The following PTPRD variants were observed in gnomAD, a reference collection of about 807,000 sequenced individuals.
PTPRD encodes protein tyrosine phosphatase receptor type D, also known as receptor-type tyrosine-protein phosphatase delta.
Under a neutral mutation model 214.5 loss-of-function variants are expected in PTPRD, and 34 were observed. The ratio of observed to expected loss-of-function variants is 0.16; its 90% confidence interval spans 0.12 to 0.21. The LOEUF (loss-of-function observed/expected upper bound fraction) is 0.21, where lower values mean the gene tolerates loss of function less well. Ranked by LOEUF, PTPRD falls within the 10% of genes least tolerant of loss-of-function variation. The pLI, the probability that PTPRD is intolerant of heterozygous loss-of-function variation, is 1.00. For missense variants in PTPRD, 2,545 were observed against 2,398.7 expected (o/e 1.06, Z -1.27); for synonymous variants, 1,128 against 845.7 (o/e 1.33, Z -5.79).
At chr9:9,584,431 A>G (rs2091527357) in intron 7 of PTPRD, among the ~76,000 whole-genome samples, 1 of 151,484 alleles carries the variant, frequency 6.6e-6, no homozygotes, top group Non-Finnish European at 1.5e-5. Context: ...CACCATCACT[A>G]TTCTTTCTCT....
At chr9:9,503,674 C>G (rs867412751) in intron 8 of PTPRD, among the ~76,000 whole-genome samples, 4 of 151,666 alleles carry the variant, frequency 2.6e-5, no homozygotes. Flanking sequence ...TGTAAGTTCT[C>G]AGAATCAAAG....
chr9:9,365,956 T>C (rs760431101), intron 9 of PTPRD, among the ~76,000 whole-genome samples: 5 of 151,656 alleles, frequency 3.3e-5, no homozygotes, highest in Middle Eastern at 3.4e-3. Flanking sequence ...GATGTAAATA[T>C]AGCATGGATC....
intron 10 of PTPRD, among the ~76,000 whole-genome samples, chr9:9,164,429 A>T (rs932217170): frequency 2.6e-5 from 4 of 152,054 alleles, no homozygotes; most frequent in Non-Finnish European, 5.9e-5. Context: ...AATCCAAGGT[A>T]CTCTTCTGAT....
At chr9:8,490,051 T>C (rs894771246) in intron 27 of PTPRD, among the ~76,000 whole-genome samples, 1 of 152,162 alleles carries the variant, frequency 6.6e-6, no homozygotes, top group East Asian at 1.9e-4. Context: ...AGACTACTTT[T>C]ATAAGTCATG....
intron 8 of PTPRD, among the ~76,000 whole-genome samples, chr9:9,492,184 C>G (rs930710317): frequency 6.6e-6 from 1 of 151,416 alleles, no homozygotes; most frequent in Non-Finnish European, 1.5e-5. Context: ...CCTCCCAAGA[C>G]TAAATCATGT....
chr9:9,776,549 A>G (rs1424341274), intron 5 of PTPRD, among the ~76,000 whole-genome samples: 1 of 152,212 alleles, frequency 6.6e-6, no homozygotes, highest in African/African-American at 2.4e-5. Context: ...AAAATAAACA[A>G]TATGATTCAT....
intron 9 of PTPRD, among the ~76,000 whole-genome samples, chr9:9,325,317 T>G (rs529246172): frequency 1.3e-5 from 2 of 152,264 alleles, no homozygotes; most frequent in East Asian, 3.9e-4. Flanking sequence ...ATTCTTCCTA[T>G]CCATGAGCAT....
Position 8,331,902 on chromosome 9 carries a change from A to C in PTPRD, c.5380-166T>G, listed in dbSNP as rs567100435. ...CTTAGTTATGGTTTATCTGCTATAA[A>C]TATTGTCCACACTCACATACCTTTA... On this transcript the variant is annotated intron_variant, in intron 43 of 45. Coordinates refer to ENST00000381196, the MANE Select transcript of PTPRD (RefSeq NM_002839.4). Among the ~76,000 whole-genome samples the C allele has an allele frequency of 7.9e-5, 12 of 151,924 alleles. No homozygotes were observed. The South Asian group carries it at 2.5e-3, about 32-fold the overall frequency.
At chr9:10,362,901 A>T (rs1329908879) in intron 2 of PTPRD, among the ~76,000 whole-genome samples, 2 of 152,084 alleles carry the variant, frequency 1.3e-5, no homozygotes, top group Non-Finnish European at 2.9e-5. Flanking sequence ...AAAAATAAAT[A>T]AATAACTTTG....
chr9:10,071,997 A>G (rs2154180225), intron 3 of PTPRD, among the ~76,000 whole-genome samples: 1 of 152,116 alleles, frequency 6.6e-6, no homozygotes, highest in South Asian at 2.1e-4. Context: ...CATAGTATAA[A>G]TGATGAAAAA....
chr9:9,146,109 T>C (rs2099868196), intron 10 of PTPRD, among the ~76,000 whole-genome samples: 1 of 152,222 alleles, frequency 6.6e-6, no homozygotes, highest in Non-Finnish European at 1.5e-5. Flanking sequence ...AAATGGGGTT[T>C]TGATACACAT....
intron 3 of PTPRD, among the ~76,000 whole-genome samples, chr9:10,090,919 T>TACACACAC (rs1162698970): frequency 0.063 from 6,266 of 99,402 alleles, 211 homozygotes; most frequent in Admixed American, 0.13. Flanking sequence ...AAATGAAATA[T>TACACACAC]ACACACACAC....
At chr9:8,890,908 T>A (rs2098533574) in intron 11 of PTPRD, among the ~76,000 whole-genome samples, 1 of 152,134 alleles carries the variant, frequency 6.6e-6, no homozygotes, top group Non-Finnish European at 1.5e-5. Flanking sequence ...AAAGAGGAAA[T>A]GGGCAAAAGA....
chr9:9,746,030 A>G (rs1364111277), intron 6 of PTPRD, among the ~76,000 whole-genome samples: 5 of 152,154 alleles, frequency 3.3e-5, no homozygotes, highest in Admixed American at 2.6e-4. Flanking sequence ...AAGATTTTAT[A>G]TGAGTACTCT....
chr9:8,749,212 C>A (rs965210081), intron 11 of PTPRD, among the ~76,000 whole-genome samples: 2 of 152,126 alleles, frequency 1.3e-5, no homozygotes, highest in Admixed American at 6.5e-5. Context: ...GACAGAGTCT[C>A]GCTCTGTCGC....
intron 2 of PTPRD, among the ~76,000 whole-genome samples, chr9:10,578,691 T>C (rs1171553236): frequency 1.3e-5 from 2 of 152,202 alleles, no homozygotes; most frequent in African/African-American, 4.8e-5. Flanking sequence ...AGTAACACAC[T>C]ACAGCATTGC....
chr9:9,877,226 GTAA>G (rs779169599), intron 5 of PTPRD, among the ~76,000 whole-genome samples: 28 of 152,114 alleles, frequency 1.8e-4, no homozygotes, highest in Non-Finnish European at 3.1e-4. Context: ...GGTAATGCAG[GTAA>G]TTCTATATTT....
intron 4 of PTPRD, among the ~76,000 whole-genome samples, chr9:9,954,957 A>G (rs2093782691): frequency 1.3e-5 from 2 of 152,218 alleles, no homozygotes; most frequent in South Asian, 2.1e-4. Context: ...AGATAAAGAT[A>G]CCATTTCAGC....
At chr9:8,739,506 G>A (rs1271032647) in intron 11 of PTPRD, among the ~76,000 whole-genome samples, 1 of 152,168 alleles carries the variant, frequency 6.6e-6, no homozygotes, top group Non-Finnish European at 1.5e-5. Flanking sequence ...GCCACATGTG[G>A]CTAGTGGCTA....
Sources: gnomAD v4.1 joint callset for allele counts (sites outside exome capture counted in the v4.1 genomes callset) on GRCh38, gnomAD v4.1.1 for gene constraint, MANE v1.5 for transcripts, NCBI Gene and HGNC (gene_info 2026-07-23, HGNC 2026-07-21) for gene names.